UBR2: variants seen among roughly 807,000 people sequenced by gnomAD.
UBR2 encodes the protein E3 ubiquitin-protein ligase UBR2.
In UBR2, 92 loss-of-function variants were observed where a neutral mutation model predicts 247.9. The ratio of observed to expected loss-of-function variants is 0.37; its 90% CI spans 0.31 to 0.44. The LOEUF (loss-of-function observed/expected upper bound fraction) is 0.44, where lower values mean the gene tolerates loss of function less well. UBR2 is among the 20% of genes least tolerant of loss of function. UBR2 has a pLI of 1.00. For synonymous variants in UBR2, 672 were observed against 693.5 expected, an observed-to-expected ratio of 0.97 and a Z score of 0.49; for missense variants, 1,613 against 2,112.6, an observed-to-expected ratio of 0.76 and a Z score of 4.64.
chr6:42,648,378 G>A (rs1233748935), intron 22 of UBR2, among the ~76,000 whole-genome samples: 1 of 152,202 alleles, frequency 6.6e-6, no homozygotes, highest in Admixed American at 6.5e-5. Context: ...AAGTGACATT[G>A]TGAGGGTTTT....
At chr6:42,612,320 T>C in intron 8 of UBR2, 29 bp downstream of exon 8, 1 of 1,473,976 alleles carries the variant, frequency 6.8e-7, no homozygotes, top group Non-Finnish European at 9.2e-7. Flanking sequence ...ATGCCAATTG[T>C]CTATTAAAAA....
At chr6:42,652,770 T>C (rs1407481315) in intron 25 of UBR2, 125 bp downstream of exon 25, 1 of 882,234 alleles carries the variant, frequency 1.1e-6, no homozygotes, top group African/African-American at 1.7e-5. Context: ...CTTGAATATA[T>C]TGTTACTGCT....
chr6:42,681,414 C>A (rs1351257832), intron 42 of UBR2, among the ~76,000 whole-genome samples: 1 of 151,822 alleles, frequency 6.6e-6, no homozygotes, highest in Non-Finnish European at 1.5e-5. Flanking sequence ...ACAACAACAA[C>A]AAAAATAAAA....
chr6:42,678,860 A>T (rs1234292439), intron 41 of UBR2, among the ~76,000 whole-genome samples, 191 bp downstream of exon 41: 2 of 152,174 alleles, frequency 1.3e-5, no homozygotes, highest in East Asian at 3.8e-4. Flanking sequence ...ATCTCAGTAA[A>T]TGACTGTTAA....
At chr6:42,565,432 A>G (rs1178624739) in intron 1 of UBR2, among the ~76,000 whole-genome samples, 1 of 152,202 alleles carries the variant, frequency 6.6e-6, no homozygotes, top group East Asian at 1.9e-4. Flanking sequence ...GTCAGTGAGT[A>G]GTTATTTTGC....
intron 42 of UBR2, among the ~76,000 whole-genome samples, chr6:42,680,680 A>G (rs1187345435): frequency 1.3e-5 from 2 of 152,208 alleles, no homozygotes; most frequent in African/African-American, 2.4e-5. Flanking sequence ...TTGGCCTGTC[A>G]ATCATGTCAA....
chr6:42,646,814 T>TAGAG (rs1194562995), intron 21 of UBR2, among the ~76,000 whole-genome samples: 47 of 146,914 alleles, frequency 3.2e-4, no homozygotes, highest in Middle Eastern at 3.6e-3. Context: ...TGTTTATATA[T>TAGAG]ATATATAGAG....
intron 33 of UBR2, 30 bp downstream of exon 33, chr6:42,665,542 C>A: frequency 6.6e-7 from 1 of 1,517,272 alleles, no homozygotes; most frequent in Non-Finnish European, 9.1e-7. Flanking sequence ...TTTCATTTTT[C>A]CCTAAAGTCC....
chr6:42,580,910 G>C lies in UBR2; in HGVS notation c.338+6917G>C, dbSNP rs116341584. On this transcript the variant is annotated intron_variant, in intron 2 of 46. Coordinates refer to ENST00000372901, the MANE Select transcript of UBR2 (RefSeq NM_001363705.2). ...TATTGTGAAGATAGAGAACTTTCCT[G>C]TCTCACTAGAAATTTCCCTGTCATT... 6.5e-3 allele frequency among the ~76,000 whole-genome samples: 987 copies of C among 151,462 alleles called. 5 individuals are homozygous for C. Among genetic ancestry groups the C allele is most frequent in the Non-Finnish European group, 7.5e-3 (510 of 67,948 alleles).
intron 2 of UBR2, among the ~76,000 whole-genome samples, chr6:42,589,802 A>G (rs1792536245): frequency 1.3e-5 from 2 of 152,130 alleles, no homozygotes; most frequent in South Asian, 4.1e-4. Flanking sequence ...TCATGATCCA[A>G]TGTGTTCTGA....
In UBR2 at chr6:42,586,538, C is replaced by T. The variant is rs372822745; in HGVS notation, c.339-5613C>T. On this transcript the variant is annotated intron_variant, in intron 2 of 46. Coordinates refer to ENST00000372901, the MANE Select transcript of UBR2 (RefSeq NM_001363705.2). ...TGCTATTTGTTTTCAGTTTGTCTCT[C>T]TTTTTTTTTTTTTTTTTTTTGTTCC... 1.5e-3 allele frequency among the ~76,000 whole-genome samples: 147 copies of T among 97,242 alleles called. 4 individuals are homozygous for T. The highest frequency in any genetic ancestry group is 6.3e-3 in the Middle Eastern group (1 of 158). 63.8% of individuals were successfully genotyped at this position (97,242 alleles called of 152,430 possible).
intron 3 of UBR2, 95 bp from the exon 4 acceptor site, chr6:42,594,096 C>A: frequency 1.1e-6 from 1 of 870,672 alleles, no homozygotes; most frequent in Non-Finnish European, 1.8e-6. Context: ...AACACTTAAG[C>A]AATGGTATTT....
chr6:42,628,708 G>T (rs1795506801), intron 11 of UBR2, among the ~76,000 whole-genome samples: 1 of 131,816 alleles, frequency 7.6e-6, no homozygotes, highest in Admixed American at 8.1e-5. Context: ...GAGCGACAGA[G>T]TGAGGCTCTG....
chr6:42,593,139 A>G (rs1417372571), intron 3 of UBR2, among the ~76,000 whole-genome samples: 1 of 152,122 alleles, frequency 6.6e-6, no homozygotes, highest in African/African-American at 2.4e-5. Flanking sequence ...ACACCACTGC[A>G]CTCCAGCCTG....
chr6:42,664,579 T>A (rs1798006103), intron 32 of UBR2, among the ~76,000 whole-genome samples: 3 of 152,258 alleles, frequency 2.0e-5, no homozygotes, highest in Non-Finnish European at 2.9e-5. Flanking sequence ...TTTGGTGTTC[T>A]TAGTCTATGC....
At chr6:42,657,008 A>G (rs1234132636) in intron 26 of UBR2, among the ~76,000 whole-genome samples, 1 of 151,976 alleles carries the variant, frequency 6.6e-6, no homozygotes, top group Non-Finnish European at 1.5e-5. Flanking sequence ...ATCAAGGTGG[A>G]TGAATCACCT....
intron 1 of UBR2, among the ~76,000 whole-genome samples, chr6:42,568,030 C>G (rs989429108): frequency 1.3e-5 from 2 of 152,062 alleles, no homozygotes; most frequent in African/African-American, 4.8e-5. Context: ...TTGGGTGATA[C>G]AGTGAGACCC....
In UBR2 at chr6:42,688,392, G is replaced by T. The variant is rs1799564701; in HGVS notation, c.5024+6G>T. 6.2e-7 allele frequency: 1 copy of T among 1,612,174 alleles called. No individual in the cohort carries two copies. The highest frequency in any genetic ancestry group is 2.2e-5 in the East Asian group (1 of 44,882). On this transcript the variant is annotated splice_donor_region_variant and intron_variant, in intron 45 of 46. Transcript: ENST00000372901. ...GGAGTGGGCATCTTCCTGAGGTAAG[G>T]ACCTGCAGGGGCTTTTTAGCTTTGG...
chr6:42,648,488 T>C (rs1040611), intron 22 of UBR2, among the ~76,000 whole-genome samples: 139,490 of 152,260 alleles, frequency 0.92, 64,011 homozygotes, highest in East Asian at 1. Context: ...CTTAAAACTG[T>C]TTTGTTTCCA....
Sources: gnomAD v4.1 joint callset for allele counts (sites outside exome capture counted in the v4.1 genomes callset) on GRCh38, gnomAD v4.1.1 for gene constraint, MANE v1.5 for transcripts, NCBI Gene and HGNC (gene_info 2026-07-23, HGNC 2026-07-21) for gene names.